The following DCAF7 variants were observed in gnomAD, a reference collection of about 807,000 sequenced individuals.
The protein encoded by DCAF7 is DDB1- and CUL4-associated factor 7.
In DCAF7, 4 loss-of-function variants were observed where a neutral mutation model predicts 41.2. The observed-to-expected ratio is 0.10, with a 90% CI of 0.05 to 0.22. The LOEUF (loss-of-function observed/expected upper bound fraction) is 0.22. Among genes scored for constraint, DCAF7 ranks in the 10% least tolerant of loss-of-function variants. The pLI is 1.00. For synonymous variants in DCAF7, 143 were observed against 164.2 expected, an observed-to-expected ratio of 0.87 and a Z score of 0.99; for missense variants, 131 against 443.2, an observed-to-expected ratio of 0.30 and a Z score of 6.32.
chr17:63,576,278 C>A (rs1334120453), intron 1 of DCAF7, among the ~76,000 whole-genome samples: 1 of 152,000 alleles, frequency 6.6e-6, no homozygotes, highest in Admixed American at 6.6e-5. Context: ...CCCTTCTCTA[C>A]TAAAAATATT....
At chr17:63,562,627 C>T (rs1163556063) in intron 1 of DCAF7, among the ~76,000 whole-genome samples, 2 of 150,496 alleles carry the variant, frequency 1.3e-5, no homozygotes, top group East Asian at 2.0e-4. Context: ...CATGCTGGTG[C>T]GCTGCACCCA....
chr17:63,556,595 G>A (rs553793688), intron 1 of DCAF7, among the ~76,000 whole-genome samples: 14 of 151,698 alleles, frequency 9.2e-5, no homozygotes, highest in African/African-American at 2.2e-4. Context: ...AGGGCCGGGC[G>A]CAGTGGCTCA....
At chr17:63,583,257 G>T (rs1446612838) in intron 4 of DCAF7, among the ~76,000 whole-genome samples, 1 of 152,190 alleles carries the variant, frequency 6.6e-6, no homozygotes, top group Non-Finnish European at 1.5e-5. Context: ...GGAGGAAGAA[G>T]ACTTGGAAAG....
At chr17:63,582,471 CTT>C (rs869165935) in intron 4 of DCAF7, among the ~76,000 whole-genome samples, 15 of 145,274 alleles carry the variant, frequency 1.0e-4, no homozygotes, top group African/African-American at 3.5e-4. Flanking sequence ...TCTTCGTCCT[CTT>C]TTTTTTTTTT....
intron 1 of DCAF7, among the ~76,000 whole-genome samples, chr17:63,575,191 C>T (rs940099231): frequency 9.9e-5 from 15 of 151,982 alleles, no homozygotes; most frequent in African/African-American, 3.4e-4. Context: ...ATTAGCCAGG[C>T]GTGGTCACGC....
chr17:63,584,735 C>T (rs764179835), intron 5 of DCAF7, among the ~76,000 whole-genome samples: 3 of 152,212 alleles, frequency 2.0e-5, no homozygotes, highest in Non-Finnish European at 4.4e-5. Context: ...GCACTCCAGC[C>T]TGGTGACAGG....
At chr17:63,552,861 A>G (rs1339791080) in intron 1 of DCAF7, among the ~76,000 whole-genome samples, 1 of 152,232 alleles carries the variant, frequency 6.6e-6, no homozygotes, top group Non-Finnish European at 1.5e-5. Flanking sequence ...CACAGGTAGC[A>G]TGGCTTAGCA....
chr17:63,566,328 G>C (rs904514335), intron 1 of DCAF7, among the ~76,000 whole-genome samples: 1 of 147,070 alleles, frequency 6.8e-6, no homozygotes, highest in Non-Finnish European at 1.5e-5. Context: ...CAGAGATGGC[G>C]CCACTGCACA....
Position 63,579,695 on chromosome 17 carries a change from G to C in DCAF7, c.410-130G>C, listed in dbSNP as rs1395727927. 7.6e-6 allele frequency: 6 copies of C among 794,140 alleles called. No homozygotes were observed. The East Asian group carries it at 1.6e-4, about 21-fold the overall frequency. The allele number at this position is 794,140 out of a possible 1,614,324, so 49.2% of individuals were successfully genotyped here. On this transcript the variant is annotated intron_variant, in intron 3 of 6. Transcript: ENST00000614556. ...GACTGCCTCGGTGGCTCTGCCGGTA[G>C]CCCCCACCTTGTTTTCTGTAGTCTT...
intron 1 of DCAF7, among the ~76,000 whole-genome samples, chr17:63,562,006 T>G: frequency 8.4e-6 from 1 of 118,386 alleles, no homozygotes. Flanking sequence ...TGTATGTCAA[T>G]GTCCAAAAAA....
At chr17:63,588,188 G>GTTTTTTTTTTTTTT (rs1568106611) in intron 6 of DCAF7, among the ~76,000 whole-genome samples, 4 of 121,988 alleles carry the variant, frequency 3.3e-5, no homozygotes, top group African/African-American at 1.4e-4. Context: ...TATTTTCTTG[G>GTTTTTTTTTTTTTT]ATTTTTTTTT....
intron 5 of DCAF7, 120 bp downstream of exon 5, chr17:63,583,831 G>C: frequency 1.9e-6 from 2 of 1,033,376 alleles, no homozygotes; most frequent in South Asian, 2.8e-5. Flanking sequence ...GGAATGTCTG[G>C]AGGCATTTTT....
chr17:63,562,319 A>G (rs1024027190), intron 1 of DCAF7, among the ~76,000 whole-genome samples: 3 of 152,164 alleles, frequency 2.0e-5, no homozygotes, highest in African/African-American at 7.2e-5. Context: ...ATTATAAAGG[A>G]AAGTCCACAA....
chr17:63,556,804 T>C (rs958116886), intron 1 of DCAF7, among the ~76,000 whole-genome samples: 5 of 151,972 alleles, frequency 3.3e-5, no homozygotes, highest in East Asian at 1.9e-4. Flanking sequence ...GAGGCGGAGG[T>C]GTGGTGAGCC....
chr17:63,554,718 G>A (rs936905670), intron 1 of DCAF7, among the ~76,000 whole-genome samples: 6 of 152,188 alleles, frequency 3.9e-5, no homozygotes, highest in African/African-American at 1.4e-4. Context: ...ACTTAGGAAC[G>A]CCACCCGGTG....
chr17:63,560,183 T>C (rs987408991), intron 1 of DCAF7, among the ~76,000 whole-genome samples: 1 of 151,078 alleles, frequency 6.6e-6, no homozygotes, highest in African/African-American at 2.4e-5. Context: ...TTAGGAAAAA[T>C]AAAAAACCGT....
chr17:63,576,712 G>A (rs1022580864), intron 1 of DCAF7, among the ~76,000 whole-genome samples: 1 of 152,010 alleles, frequency 6.6e-6, no homozygotes, highest in Non-Finnish European at 1.5e-5. Context: ...CCAGAAGTTC[G>A]AGGCCAGCCT....
At position 63,583,674 on chromosome 17, in the gene DCAF7, C is replaced by T. The variant is rs2033648043; in HGVS notation, c.701C>T (p.Pro234Leu). Residue 234 changes from proline (P) to leucine (L), a missense_variant, in exon 5 of 7, where the codon CCT becomes CTT. Coordinates refer to ENST00000614556, the MANE Select transcript of DCAF7 (RefSeq NM_005828.5). ...CGCCTCTGCTGGAACAAGCAGGACC[C>T]TAACTACCTGGCCACCATGGCCATG... ...LLRLCWNKQD[P>L]NYLATMAMDG... 1 of 1,613,764 alleles carries T rather than the reference C, an allele frequency of 6.2e-7. No homozygotes were observed. The highest frequency in any genetic ancestry group is 1.7e-5 in the Admixed American group (1 of 59,996).
intron 4 of DCAF7, among the ~76,000 whole-genome samples, chr17:63,582,535 C>G (rs939005147): frequency 6.6e-6 from 1 of 151,606 alleles, no homozygotes; most frequent in Admixed American, 6.6e-5. Flanking sequence ...ATGGCCTGAT[C>G]TCAGCTCACT....
Sources: allele counts gnomAD v4.1 joint callset (sites outside exome capture counted in the v4.1 genomes callset), GRCh38; gene constraint gnomAD v4.1.1; transcripts MANE v1.5; gene names NCBI Gene and HGNC (gene_info 2026-07-23, HGNC 2026-07-21).